GRIK1: variants seen among roughly 807,000 people sequenced by gnomAD.
GRIK1 encodes the protein glutamate receptor ionotropic, kainate 1.
GRIK1 carries 69 observed loss-of-function variants against 105.7 expected under a neutral mutation model. The observed-to-expected ratio is 0.65, with a 90% CI of 0.54 to 0.80. The LOEUF is 0.80. Among genes scored for constraint, GRIK1 ranks in the 30% least tolerant of loss-of-function variants. GRIK1 has a pLI of 0.00. For synonymous variants in GRIK1, 438 were observed against 431.3 expected (o/e 1.02, Z -0.19); for missense variants, 1,109 against 1,167.3 (o/e 0.95, Z 0.73).
At chr21:29,899,285 G>A (rs563809271) in intron 1 of GRIK1, among the ~76,000 whole-genome samples, 3 of 152,158 alleles carry the variant, frequency 2.0e-5, no homozygotes, top group Non-Finnish European at 4.4e-5. Flanking sequence ...GTTTAGCTTC[G>A]AGTAAGTATG....
At chr21:29,564,764 C>T (rs559462535) in intron 14 of GRIK1, among the ~76,000 whole-genome samples, 1 of 152,322 alleles carries the variant, frequency 6.6e-6, no homozygotes, top group South Asian at 2.1e-4. Context: ...CAACAGTATG[C>T]AGGTGGTCTA....
At chr21:29,733,966 A>G (rs2064703755) in intron 1 of GRIK1, among the ~76,000 whole-genome samples, 1 of 152,100 alleles carries the variant, frequency 6.6e-6, no homozygotes, top group African/African-American at 2.4e-5. Context: ...ATGTATTTTT[A>G]ATATTTACTT....
At position 29,555,048 on chromosome 21, in the gene GRIK1, TC is replaced by T; in HGVS notation, c.2607+3del. On this transcript the variant is annotated splice_donor_region_variant and intron_variant, in intron 16 of 17. Transcript: ENST00000327783. ...CTAACCAGTCCTAGAAAGAGATGAC[TC>T]ACCTGTTCAATATCATTATTCTTCC... 6.2e-7 allele frequency: 1 copy of T among 1,605,764 alleles called. No homozygotes were observed. The highest frequency in any genetic ancestry group is 8.5e-7 in the Non-Finnish European group (1 of 1,172,956).
Position 29,939,630 on chromosome 21 carries a change from A to C in GRIK1, c.-130T>G. On this transcript the variant is annotated 5_prime_UTR_variant, in exon 1 of 18. Transcript: ENST00000327783. The stretch of plus-strand genomic sequence containing the variant: ...GTTCCAAGCACGCTGCGCGCTCCCC[A>C]CGGAGCGAGCTCGAGGGAACCCGCG... 3.4e-6 allele frequency: 2 copies of C among 588,244 alleles called. No individual in the cohort carries two copies. Among genetic ancestry groups the C allele is most frequent in the Non-Finnish European group, 5.8e-6 (2 of 347,046 alleles). The allele number at this position is 588,244 out of a possible 1,614,324, so 36.4% of individuals were successfully genotyped here.
chr21:29,596,166 C>T (rs1285680727), intron 9 of GRIK1: 1 of 373,318 alleles, frequency 2.7e-6, no homozygotes, highest in South Asian at 2.2e-5. Context: ...TTTTATCCCC[C>T]TTAAGGAAAA....
chr21:29,606,624 C>A (rs1013457567), intron 7 of GRIK1, among the ~76,000 whole-genome samples: 4 of 151,968 alleles, frequency 2.6e-5, no homozygotes, highest in Non-Finnish European at 4.4e-5. Context: ...CCTGCCAGAG[C>A]CAATGTTATG....
chr21:29,800,852 AG>A (rs1392259084), intron 1 of GRIK1, among the ~76,000 whole-genome samples: 2 of 152,182 alleles, frequency 1.3e-5, no homozygotes, highest in African/African-American at 4.8e-5. Flanking sequence ...AGGGAGAAAG[AG>A]GATCCATGGT....
intron 7 of GRIK1, among the ~76,000 whole-genome samples, chr21:29,622,406 T>G (rs2062025997): frequency 6.6e-6 from 1 of 152,248 alleles, no homozygotes; most frequent in South Asian, 2.1e-4. Flanking sequence ...ATCTACATGG[T>G]TGAAATCAGT....
At chr21:29,869,551 T>C (rs1389058066) in intron 1 of GRIK1, among the ~76,000 whole-genome samples, 1 of 152,214 alleles carries the variant, frequency 6.6e-6, no homozygotes, top group African/African-American at 2.4e-5. Context: ...ATATTTAAGC[T>C]GAAAATTAAA....
intron 4 of GRIK1, among the ~76,000 whole-genome samples, chr21:29,658,257 C>G (rs2062892857): frequency 1.3e-5 from 2 of 151,820 alleles, no homozygotes; most frequent in Admixed American, 1.3e-4. Flanking sequence ...AGGCCCATTT[C>G]TTTTTTTTAT....
At chr21:29,924,066 G>A (rs1602058946) in intron 1 of GRIK1, among the ~76,000 whole-genome samples, 1 of 152,118 alleles carries the variant, frequency 6.6e-6, no homozygotes. Context: ...AAGGCCGGGC[G>A]CGGTGGCTCA....
chr21:29,596,066 T>C, intron 9 of GRIK1: 1 of 257,396 alleles, frequency 3.9e-6, no homozygotes, highest in Non-Finnish European at 7.6e-6. Context: ...AAATGGTTCA[T>C]ATTTTGTGGT....
chr21:29,572,769 T>C (rs934001908), intron 14 of GRIK1, among the ~76,000 whole-genome samples: 1 of 150,752 alleles, frequency 6.6e-6, no homozygotes, highest in Non-Finnish European at 1.5e-5. Flanking sequence ...TTGGTCTTTT[T>C]TTTTTCTTCT....
Position 29,673,024 on chromosome 21 carries a change from A to T in GRIK1, c.685T>A (p.Phe229Ile), listed in dbSNP as rs986034940. The T allele has an allele frequency of 6.2e-6, 10 of 1,613,456 alleles. No homozygotes were observed. Among genetic ancestry groups the T allele is most frequent in the Non-Finnish European group, 8.5e-6 (10 of 1,179,482 alleles). Residue 229 changes from phenylalanine to isoleucine, a missense_variant, in exon 4 of 18, where the codon TTT (phenylalanine) becomes ATT (isoleucine). Physicochemically the swap from Phe to Ile is conservative, Grantham distance 21. This residue lies in a region of GRIK1 where 612 missense variants were observed against 586.0 expected (regional missense o/e 1.04). Transcript: ENST00000327783. Reference protein sequence around the residue: ...MKKGKEFYVIFDCSHETAAEI... With the variant: ...MKKGKEFYVIIDCSHETAAEI... ...GCGGCTGTTTCATGTGAACAATCAA[A>T]TATCACATAGAACTCCTTGCCTTTC...
In GRIK1 at chr21:29,878,972, T is replaced by G. The variant is rs564318696; in HGVS notation, c.118+60411A>C. Among the ~76,000 whole-genome samples, 5 of 152,304 alleles carry G rather than the reference T, an allele frequency of 3.3e-5. No homozygotes were observed. In the South Asian group the frequency reaches 8.3e-4, roughly 25 times the overall value. ...GAATCTATGAGAAATACATTTCTAT[T>G]GTTTGTACGTCACTCGTTTTATGGT... On this transcript the variant is annotated intron_variant, in intron 1 of 17. Coordinates refer to ENST00000327783, the MANE Select transcript of GRIK1 (RefSeq NM_001330994.2).
At chr21:29,544,828 A>G (rs2090025608) in intron 16 of GRIK1, among the ~76,000 whole-genome samples, 1 of 152,190 alleles carries the variant, frequency 6.6e-6, no homozygotes, top group South Asian at 2.1e-4. Context: ...TCTCAAGGAG[A>G]AAAGTTCAAT....
chr21:29,921,123 C>T (rs1349343388), intron 1 of GRIK1, among the ~76,000 whole-genome samples: 1 of 151,978 alleles, frequency 6.6e-6, no homozygotes, highest in Non-Finnish European at 1.5e-5. Flanking sequence ...GACCTCTAAC[C>T]ACTAAATGCC....
chr21:29,570,363 G>A (rs1347442254), intron 14 of GRIK1, among the ~76,000 whole-genome samples: 6 of 151,952 alleles, frequency 3.9e-5, no homozygotes, highest in South Asian at 2.1e-4. Flanking sequence ...ATAGCTGGGC[G>A]TGGTGGCAGG....
intron 7 of GRIK1, among the ~76,000 whole-genome samples, chr21:29,611,831 A>G (rs2061736801): frequency 6.6e-6 from 1 of 152,212 alleles, no homozygotes; most frequent in South Asian, 2.1e-4. Flanking sequence ...GCCCAAAATA[A>G]AAGGAGAAAT....
Sources: gnomAD v4.1 joint callset for allele counts (sites outside exome capture counted in the v4.1 genomes callset) on GRCh38, gnomAD v4.1.1 for gene constraint, gnomAD v4.1.1 regional missense constraint, MANE v1.5 for transcripts, NCBI Gene and HGNC (gene_info 2026-07-23, HGNC 2026-07-21) for gene names.